SCAI: variants seen among roughly 807,000 people sequenced by gnomAD.
The protein encoded by SCAI is protein SCAI.
In SCAI, 24 loss-of-function variants were observed where a neutral mutation model predicts 92.2. The observed-to-expected ratio is 0.26, with a 90% CI of 0.19 to 0.37. The LOEUF is 0.37. Among genes scored for constraint, SCAI ranks in the 10% least tolerant of loss-of-function variants. The pLI, the probability that SCAI is intolerant of heterozygous loss-of-function variation, is 1.00. For missense variants in SCAI, 450 were observed against 736.2 expected, an observed-to-expected ratio of 0.61 and a Z score of 4.50; for synonymous variants, 261 against 258.6, an observed-to-expected ratio of 1.01 and a Z score of -0.09.
intron 3 of SCAI, among the ~76,000 whole-genome samples, chr9:125,053,226 C>T (rs559465418): frequency 1.2e-4 from 18 of 151,992 alleles, no homozygotes; most frequent in African/African-American, 4.1e-4. Context: ...TTCAGCTATT[C>T]GGGAGGCTGA....
intron 6 of SCAI, among the ~76,000 whole-genome samples, chr9:125,024,684 G>A (rs897489998): frequency 6.6e-6 from 1 of 152,086 alleles, no homozygotes; most frequent in Non-Finnish European, 1.5e-5. Context: ...CATTTGCCTA[G>A]GAAACTCTGT....
chr9:124,958,242 C>T (rs891698274), intron 17 of SCAI, among the ~76,000 whole-genome samples: 4 of 151,964 alleles, frequency 2.6e-5, no homozygotes, highest in East Asian at 1.9e-4. Flanking sequence ...TTTATATAGA[C>T]GTACAAAGGA....
chr9:125,025,068 G>T (rs1832941570), intron 6 of SCAI, among the ~76,000 whole-genome samples: 1 of 152,160 alleles, frequency 6.6e-6, no homozygotes, highest in Non-Finnish European at 1.5e-5. Flanking sequence ...TTCCTTATTG[G>T]TTTTCTCTCC....
At chr9:125,053,880 T>A (rs777413696) in intron 3 of SCAI, among the ~76,000 whole-genome samples, 14 of 152,182 alleles carry the variant, frequency 9.2e-5, no homozygotes, top group Non-Finnish European at 2.1e-4. Context: ...TGTCAGTGTT[T>A]TAAGTTTGAG....
chr9:125,052,327 T>C (rs148470642), intron 3 of SCAI, among the ~76,000 whole-genome samples: 52 of 152,242 alleles, frequency 3.4e-4, no homozygotes, highest in Middle Eastern at 3.4e-3. Flanking sequence ...TCCCAGCACT[T>C]TGGGAGGTCG....
At chr9:124,992,233 G>C (rs1832142711) in intron 14 of SCAI, among the ~76,000 whole-genome samples, 1 of 151,328 alleles carries the variant, frequency 6.6e-6, no homozygotes, top group African/African-American at 2.4e-5. Context: ...ATGCTTTTGT[G>C]GGAAAAATAA....
chr9:125,006,652 C>T (rs1035765397), intron 9 of SCAI, among the ~76,000 whole-genome samples: 37 of 152,034 alleles, frequency 2.4e-4, no homozygotes, highest in African/African-American at 1.7e-4. Context: ...CCACCACGCC[C>T]GGCTAATTTT....
In SCAI at chr9:125,055,959, A is replaced by G; in HGVS notation, c.147T>C (p.Asp49=). ...TTTTCCTCTCTCCCTGTGGGATATC[A>G]TCTTCAGCACCTCCAGAGGACATGA... The part of the protein sequence containing the change: ...KEIMSSGGAE[D]DIPQGERKTV... The change falls in exon 3 of 18, where the codon GAT becomes GAC. Residue 49 remains aspartate (D), a synonymous_variant. Coordinates refer to ENST00000336505, the MANE Select transcript of SCAI (RefSeq NM_001144877.3). The G allele has an allele frequency of 6.2e-7, 1 of 1,611,584 alleles. No homozygotes were observed. The highest frequency in any genetic ancestry group is 8.5e-7 in the Non-Finnish European group (1 of 1,177,840).
intron 2 of SCAI, among the ~76,000 whole-genome samples, chr9:125,106,301 T>G (rs1339587759): frequency 6.6e-6 from 1 of 150,586 alleles, no homozygotes; most frequent in Non-Finnish European, 1.5e-5. Flanking sequence ...GGAAGATTCA[T>G]TTCCAATGGC....
At position 124,951,559 on chromosome 9, in the gene SCAI, T is replaced by G. The variant is rs909741216; in HGVS notation, c.*1248A>C. 3 of 152,162 alleles carry G rather than the reference T, an allele frequency of 2.0e-5. No individual in the cohort carries two copies. Among genetic ancestry groups the G allele is most frequent in the African/African-American group, 4.8e-5 (2 of 41,512 alleles). The allele number at this position is 152,162 out of a possible 1,614,324, so 9.4% of individuals were successfully genotyped here. A position where few individuals can be genotyped will look rare whatever the true frequency, so the allele number is the denominator to read the frequency against. On this transcript the variant is annotated 3_prime_UTR_variant, in exon 18 of 18. Transcript: ENST00000336505. Reference sequence around the variant, plus strand: ...TTTACCTAGGGCCATGGGAAAGAGATATCAAAAGCAATCAGCTCACTTCTC... The same window carrying G: ...TTTACCTAGGGCCATGGGAAAGAGAGATCAAAAGCAATCAGCTCACTTCTC...
intron 2 of SCAI, among the ~76,000 whole-genome samples, chr9:125,104,731 A>AGGTTAAACAAAACCCTT (rs1834741551): frequency 6.6e-6 from 1 of 151,928 alleles, no homozygotes; most frequent in South Asian, 2.1e-4. Context: ...GTGAAACTCC[A>AGGTTAAACAAAACCCTT]TCTTTCTCAA....
intron 3 of SCAI, among the ~76,000 whole-genome samples, chr9:125,032,646 C>A (rs1336423401): frequency 2.9e-5 from 4 of 139,096 alleles, no homozygotes; most frequent in Middle Eastern, 4.3e-3. Context: ...TGGAGTCTCA[C>A]TCTGTTGCCC....
chr9:125,003,402 C>A, intron 10 of SCAI, 67 bp downstream of exon 10: 1 of 1,128,472 alleles, frequency 8.9e-7, no homozygotes, highest in African/African-American at 1.5e-5. Context: ...GTTGAATAAT[C>A]AGCGTTCCAA....
intron 2 of SCAI, among the ~76,000 whole-genome samples, chr9:125,068,727 C>A (rs1833918115): frequency 6.6e-6 from 1 of 152,038 alleles, no homozygotes; most frequent in Admixed American, 6.6e-5. Context: ...ACCTCAGATA[C>A]CTGTTGTGAA....
At chr9:124,969,067 T>A (rs1831600727) in intron 17 of SCAI, among the ~76,000 whole-genome samples, 1 of 152,036 alleles carries the variant, frequency 6.6e-6, no homozygotes, top group African/African-American at 2.4e-5. Context: ...CTTAGCCTCC[T>A]GAAGAGCTGG....
At chr9:125,125,229 T>A (rs960443283) in intron 2 of SCAI, among the ~76,000 whole-genome samples, 1 of 150,548 alleles carries the variant, frequency 6.6e-6, no homozygotes, top group African/African-American at 2.4e-5. Flanking sequence ...TTAAAAAAAA[T>A]AAAATTAAAT....
intron 15 of SCAI, among the ~76,000 whole-genome samples, chr9:124,974,757 T>G (rs576854777): frequency 1.3e-5 from 2 of 152,326 alleles, no homozygotes; most frequent in East Asian, 3.9e-4. Flanking sequence ...AGCATAATAA[T>G]AATAATGACA....
At chr9:125,044,150 C>T (rs909477230) in intron 3 of SCAI, among the ~76,000 whole-genome samples, 4 of 152,132 alleles carry the variant, frequency 2.6e-5, no homozygotes, top group Non-Finnish European at 4.4e-5. Flanking sequence ...AAGCCCCCTG[C>T]TGCCTCAGCC....
chr9:125,125,604 T>A (rs1588244353), intron 2 of SCAI, among the ~76,000 whole-genome samples: 1 of 151,302 alleles, frequency 6.6e-6, no homozygotes, highest in Admixed American at 6.6e-5. Flanking sequence ...CCAAGGTGGG[T>A]GAATCACCTA....
Sources: allele counts gnomAD v4.1 joint callset (sites outside exome capture counted in the v4.1 genomes callset), GRCh38; gene constraint gnomAD v4.1.1; transcripts MANE v1.5; gene names NCBI Gene and HGNC (gene_info 2026-07-23, HGNC 2026-07-21).